Variants in COL26A1 observed in about 807,000 individuals in gnomAD.
COL26A1 encodes the protein collagen type XXVI alpha 1 chain.
In COL26A1, 41 loss-of-function variants were observed where a neutral mutation model predicts 59.3. The ratio of observed to expected loss-of-function variants is 0.69; its 90% CI spans 0.54 to 0.90. COL26A1 has a LOEUF of 0.90. Ranked by LOEUF, COL26A1 falls within the 40% of genes least tolerant of loss-of-function variation. COL26A1 has a pLI of 0.00. For missense variants in COL26A1, 612 were observed against 602.3 expected (o/e 1.02, Z -0.17); for synonymous variants, 266 against 256.0 (o/e 1.04, Z -0.37).
intron 3 of COL26A1, among the ~76,000 whole-genome samples, chr7:101,521,987 T>C (rs1431967180): frequency 6.6e-6 from 1 of 152,194 alleles, no homozygotes; most frequent in Non-Finnish European, 1.5e-5. Context: ...CATTTTGTGA[T>C]ATGCAATTTA....
chr7:101,405,417 T>C (rs992388803), intron 1 of COL26A1, among the ~76,000 whole-genome samples: 1 of 151,914 alleles, frequency 6.6e-6, no homozygotes, highest in Non-Finnish European at 1.5e-5. Context: ...CACTACAGCC[T>C]TGGACTCCTT....
chr7:101,505,116 G>GA (rs545936317), intron 3 of COL26A1, among the ~76,000 whole-genome samples: 12 of 150,350 alleles, frequency 8.0e-5, no homozygotes, highest in Non-Finnish European at 1.0e-4. Context: ...CAGCCTGGGT[G>GA]AAAAAAAAAA....
At chr7:101,548,739 G>A (rs1439457598) in intron 8 of COL26A1, among the ~76,000 whole-genome samples, 1 of 152,076 alleles carries the variant, frequency 6.6e-6, no homozygotes, top group Non-Finnish European at 1.5e-5. Flanking sequence ...ATTTTTGAGA[G>A]TGTACTCTTG....
intron 12 of COL26A1, among the ~76,000 whole-genome samples, chr7:101,556,627 G>A (rs1195153925): frequency 1.3e-5 from 2 of 151,096 alleles, no homozygotes; most frequent in Non-Finnish European, 3.0e-5. Flanking sequence ...GAGTGGACAG[G>A]TGGGTGGGTG....
chr7:101,441,414 C>T (rs761828486), intron 2 of COL26A1, among the ~76,000 whole-genome samples: 2 of 152,232 alleles, frequency 1.3e-5, no homozygotes, highest in Middle Eastern at 3.4e-3. Flanking sequence ...CAGGTTTAAG[C>T]GATTCTTGTG....
At chr7:101,532,488 G>T (rs1235960933) in intron 3 of COL26A1, among the ~76,000 whole-genome samples, 1 of 152,136 alleles carries the variant, frequency 6.6e-6, no homozygotes, top group Non-Finnish European at 1.5e-5. Flanking sequence ...TACTCTTTCA[G>T]AATGCATTCC....
In COL26A1 at chr7:101,548,872, G is replaced by A. The variant is rs1038792655; in HGVS notation, c.941-299G>A. Among the ~76,000 whole-genome samples the A allele has an allele frequency of 9.2e-5, 14 of 152,324 alleles. No individual in the cohort carries two copies. In the East Asian group the frequency reaches 2.5e-3, roughly 27 times the overall value. On this transcript the variant is annotated intron_variant, in intron 8 of 12. Transcript: ENST00000313669. ...TACCAGGGGACCAACTGGCTGGGGC[G>A]TGGGAGCAGTCTGGACGGACTTCCT...
chr7:101,453,195 C>T (rs903681092), intron 3 of COL26A1, among the ~76,000 whole-genome samples: 2 of 152,154 alleles, frequency 1.3e-5, no homozygotes, highest in East Asian at 1.9e-4. Flanking sequence ...GGCAAAACCC[C>T]GTCTCTACTA....
intron 5 of COL26A1, among the ~76,000 whole-genome samples, chr7:101,540,488 A>T (rs530767606): frequency 4.6e-5 from 7 of 151,292 alleles, no homozygotes; most frequent in African/African-American, 1.7e-4. Flanking sequence ...CAGTGAGCCG[A>T]GATCACGCCA....
At chr7:101,409,028 C>T (rs952788464) in intron 1 of COL26A1, among the ~76,000 whole-genome samples, 6 of 152,246 alleles carry the variant, frequency 3.9e-5, no homozygotes, top group Admixed American at 2.0e-4. Flanking sequence ...ATGTTATTTA[C>T]TCCTTCCTGT....
At chr7:101,507,795 C>G (rs1794843206) in intron 3 of COL26A1, among the ~76,000 whole-genome samples, 1 of 152,056 alleles carries the variant, frequency 6.6e-6, no homozygotes, top group Non-Finnish European at 1.5e-5. Context: ...CAAGAGCAAG[C>G]AGAAATCTAA....
chr7:101,367,507 A>T (rs1475870525), intron 1 of COL26A1, among the ~76,000 whole-genome samples: 1 of 147,524 alleles, frequency 6.8e-6, no homozygotes, highest in Non-Finnish European at 1.5e-5. Context: ...TCTACTAAAA[A>T]TACAAAAATT....
At chr7:101,399,618 C>A (rs979831810) in intron 1 of COL26A1, among the ~76,000 whole-genome samples, 6 of 152,122 alleles carry the variant, frequency 3.9e-5, no homozygotes, top group Non-Finnish European at 7.3e-5. Context: ...GCTACCACAC[C>A]TGGCTAAATT....
intron 4 of COL26A1, among the ~76,000 whole-genome samples, chr7:101,535,542 C>T (rs1364212753): frequency 6.6e-6 from 1 of 152,194 alleles, no homozygotes; most frequent in African/African-American, 2.4e-5. Flanking sequence ...GGCCCTGACA[C>T]CCTCTCCACC....
At chr7:101,450,228 C>T (rs1584417735) in intron 3 of COL26A1, among the ~76,000 whole-genome samples, 2 of 152,182 alleles carry the variant, frequency 1.3e-5, no homozygotes, top group East Asian at 3.9e-4. Context: ...GTTGTCGCCT[C>T]CCAGTGGAGT....
intron 1 of COL26A1, among the ~76,000 whole-genome samples, chr7:101,375,068 A>AAT (rs1554402390): frequency 4.0e-5 from 6 of 150,292 alleles, no homozygotes; most frequent in African/African-American, 9.9e-5. Context: ...TTAAAAAAAA[A>AAT]TTTTTTTTAA....
intron 3 of COL26A1, among the ~76,000 whole-genome samples, chr7:101,511,572 G>A (rs994020552): frequency 3.0e-4 from 45 of 152,170 alleles, no homozygotes; most frequent in African/African-American, 1.0e-3. Flanking sequence ...GTCACCAAGC[G>A]CCACACGTGG....
chr7:101,463,786 T>TC (rs1313561647), intron 3 of COL26A1, among the ~76,000 whole-genome samples: 44 of 101,954 alleles, frequency 4.3e-4, no homozygotes, highest in African/African-American at 9.2e-4. Context: ...TCTTTCTTTC[T>TC]TCCTTTCTTT....
intron 4 of COL26A1, among the ~76,000 whole-genome samples, chr7:101,536,487 T>G (rs1795486058): frequency 6.6e-6 from 1 of 152,160 alleles, no homozygotes; most frequent in Non-Finnish European, 1.5e-5. Flanking sequence ...TCAGCTTAGA[T>G]CAGAGGCTAG....
Sources: gnomAD v4.1 joint callset for allele counts (sites outside exome capture counted in the v4.1 genomes callset) on GRCh38, gnomAD v4.1.1 for gene constraint, MANE v1.5 for transcripts, NCBI Gene and HGNC (gene_info 2026-07-23, HGNC 2026-07-21) for gene names.